Variants in SLC29A3 observed in about 807,000 individuals in gnomAD.
The protein encoded by SLC29A3 is equilibrative nucleoside transporter 3.
SLC29A3 carries 18 observed loss-of-function variants against 25.4 expected under a neutral mutation model. The ratio of observed to expected loss-of-function variants is 0.71; its 90% CI spans 0.49 to 1.05. The LOEUF is 1.05. Among genes scored for constraint, SLC29A3 ranks in the 50% least tolerant of loss-of-function variants. The pLI is 0.00. For synonymous variants in SLC29A3, 258 were observed against 267.1 expected (o/e 0.97, Z 0.33); for missense variants, 586 against 609.0 (o/e 0.96, Z 0.40).
intron 3 of SLC29A3, among the ~76,000 whole-genome samples, chr10:71,347,250 A>T (rs1233892610): frequency 1.3e-5 from 2 of 152,150 alleles, no homozygotes; most frequent in Non-Finnish European, 2.9e-5. Flanking sequence ...ATAAATACTT[A>T]TGAGGAGGAT....
intron 5 of SLC29A3, 52 bp downstream of exon 5, chr10:71,356,295 C>A: frequency 6.3e-7 from 1 of 1,596,800 alleles, no homozygotes; most frequent in Non-Finnish European, 8.5e-7. Flanking sequence ...CCAGTTATAG[C>A]CATGCTTCTT....
At chr10:71,323,358 A>G (rs1845897146) in intron 2 of SLC29A3, among the ~76,000 whole-genome samples, 1 of 152,230 alleles carries the variant, frequency 6.6e-6, no homozygotes, top group Admixed American at 6.5e-5. Flanking sequence ...CCCATGTTCA[A>G]TTCTGGTCGG....
intron 1 of SLC29A3, 38 bp from the exon 2 acceptor site, chr10:71,322,718 C>T (rs1845875628): frequency 6.2e-7 from 1 of 1,613,102 alleles, no homozygotes; most frequent in Non-Finnish European, 8.5e-7. Context: ...GGTTTCTACT[C>T]ACCTACCCTG....
chr10:71,361,983 A>G lies in SLC29A3; in HGVS notation c.803A>G (p.His268Arg). ...RYYMRPVLAA[H>R]VFSGEEELPQ... ...TACATGAGGCCTGTTCTTGCGGCCCATGTGTTTTCTGGTGAAGAGGAGCTT... is the reference window on the plus strand; with the variant it reads ...TACATGAGGCCTGTTCTTGCGGCCCGTGTGTTTTCTGGTGAAGAGGAGCTT... The change falls in exon 6 of 6, where the codon CAT (histidine) becomes CGT (arginine). Residue 268 changes from histidine (H) to arginine (R), a missense_variant. Coordinates refer to ENST00000373189, the MANE Select transcript of SLC29A3 (RefSeq NM_018344.6). The G allele has an allele frequency of 3.1e-6, 5 of 1,613,996 alleles. No individual in the cohort carries two copies. Among genetic ancestry groups the G allele is most frequent in the South Asian group, 1.1e-5 (1 of 91,074 alleles).
At chr10:71,368,096 G>T (rs1230389972), downstream of SLC29A3, among the ~76,000 whole-genome samples, 1 of 152,070 alleles carries the variant, frequency 6.6e-6, no homozygotes, top group African/African-American at 2.4e-5. Context: ...CAGGCCTAGT[G>T]GTACATGCCT....
chr10:71,348,764 G>A (rs1280876598), intron 3 of SLC29A3, among the ~76,000 whole-genome samples: 1 of 152,222 alleles, frequency 6.6e-6, no homozygotes, highest in Admixed American at 6.5e-5. Context: ...ATGTGTGTCA[G>A]TGTGAGGTCT....
At chr10:71,345,482 G>A (rs1238150369) in intron 3 of SLC29A3, among the ~76,000 whole-genome samples, 1 of 152,208 alleles carries the variant, frequency 6.6e-6, no homozygotes, top group Admixed American at 6.5e-5. Context: ...GAAGTCATGT[G>A]CTGTCACTTT....
chr10:71,336,620 A>C (rs1846260528), intron 2 of SLC29A3, among the ~76,000 whole-genome samples: 1 of 151,624 alleles, frequency 6.6e-6, no homozygotes, highest in African/African-American at 2.4e-5. Flanking sequence ...TCTCTTGGCC[A>C]GCAGAGAAAG....
intron 3 of SLC29A3, 58 bp from the exon 4 acceptor site, chr10:71,351,504 C>G: frequency 6.5e-7 from 1 of 1,544,030 alleles, no homozygotes; most frequent in Non-Finnish European, 8.9e-7. Flanking sequence ...CTCACCAGCC[C>G]CAGCCCACAC....
chr10:71,363,343 A>G lies in SLC29A3; in HGVS notation c.*735A>G, dbSNP rs558518017. 10 of 454,164 alleles carry G rather than the reference A, an allele frequency of 2.2e-5. No homozygotes were observed. Among genetic ancestry groups the G allele is most frequent in the South Asian group, 1.6e-4 (10 of 64,480 alleles). 28.1% of individuals were successfully genotyped at this position (454,164 alleles called of 1,614,324 possible). On this transcript the variant is annotated 3_prime_UTR_variant, in exon 6 of 6. Coordinates refer to ENST00000373189, the MANE Select transcript of SLC29A3 (RefSeq NM_018344.6). ...TCAGTGTTCCTGTTTACAACATGTCAAAGCCATTGGTTCAAGGGCGTAATA... is the reference window on the plus strand; with the variant it reads ...TCAGTGTTCCTGTTTACAACATGTCGAAGCCATTGGTTCAAGGGCGTAATA...
intron 3 of SLC29A3, among the ~76,000 whole-genome samples, chr10:71,374,478 C>T (rs567043719): frequency 3.9e-5 from 6 of 152,276 alleles, no homozygotes; most frequent in South Asian, 2.1e-4. Context: ...ATTCTGCTCC[C>T]GCCATGGTAA....
At position 71,356,094 on chromosome 10, in the gene SLC29A3, C is replaced by T. The variant is rs757865136; in HGVS notation, c.624C>T (p.Gly208=). ...TGTTCTCTGCAGGAGGAGCCATGGG[C>T]GGGACGGTCAGCGCCGTGGCCTCAT... ...SQALISGGAM[G]GTVSAVASLV... is the part of the protein sequence containing the mutation. Residue 208 remains glycine, a synonymous_variant, in exon 5 of 6, where the codon GGC becomes GGT. Coordinates refer to ENST00000373189, the MANE Select transcript of SLC29A3 (RefSeq NM_018344.6). 39 of 1,613,922 alleles carry T rather than the reference C, an allele frequency of 2.4e-5. No homozygotes were observed. Among genetic ancestry groups the T allele is most frequent in the East Asian group, 1.1e-4 (5 of 44,898 alleles).
chr10:71,372,826 T>C (rs1309514359), intron 3 of SLC29A3, among the ~76,000 whole-genome samples: 1 of 152,202 alleles, frequency 6.6e-6, no homozygotes, highest in East Asian at 1.9e-4. Flanking sequence ...GGTTGGCGCC[T>C]GGTGGCTTTA....
At chr10:71,326,285 G>C (rs1845963721) in intron 2 of SLC29A3, among the ~76,000 whole-genome samples, 1 of 152,118 alleles carries the variant, frequency 6.6e-6, no homozygotes, top group African/African-American at 2.4e-5. Context: ...CTGTTGTGAG[G>C]ATTAAGTAAA....
chr10:71,350,922 G>A (rs754249558), intron 3 of SLC29A3, among the ~76,000 whole-genome samples: 32 of 152,302 alleles, frequency 2.1e-4, no homozygotes, highest in Admixed American at 3.3e-4. Context: ...TTACAGAACC[G>A]GTGTAACAAT....
At chr10:71,340,576 C>G (rs759272292) in intron 2 of SLC29A3, among the ~76,000 whole-genome samples, 10 of 152,230 alleles carry the variant, frequency 6.6e-5, no homozygotes, top group Non-Finnish European at 1.2e-4. Context: ...GAGGTGAACT[C>G]TGTGAACGAT....
chr10:71,371,831 C>G (rs1847213714), intron 3 of SLC29A3, among the ~76,000 whole-genome samples: 1 of 152,190 alleles, frequency 6.6e-6, no homozygotes, highest in Non-Finnish European at 1.5e-5. Context: ...ACTTCTCCTC[C>G]CATCGCCCTT....
In SLC29A3 at chr10:71,362,197, A is replaced by G. The variant is rs1847078623; in HGVS notation, c.1017A>G (p.Ser339=). 6.2e-7 allele frequency: 1 copy of G among 1,613,988 alleles called. No homozygotes were observed. The highest frequency in any genetic ancestry group is 8.5e-7 in the Non-Finnish European group (1 of 1,179,996). Residue 339 remains serine (S), a synonymous_variant, in exon 6 of 6, where the codon TCA becomes TCG. Transcript: ENST00000373189. ...NIESLNKGSG[S]LWTTKFFIPL... is the part of the protein sequence containing the mutation. ...AGTCCCTCAACAAGGGTTCGGGCTC[A>G]CTGTGGACCACCAAGTTTTTCATCC...
chr10:71,377,731 A>G (rs551687768), intron 4 of SLC29A3, among the ~76,000 whole-genome samples: 12 of 152,382 alleles, frequency 7.9e-5, no homozygotes, highest in Admixed American at 5.9e-4. Context: ...AAGGCAAATG[A>G]TAAGAAACAG....
Sources: gnomAD v4.1 joint callset for allele counts (sites outside exome capture counted in the v4.1 genomes callset) on GRCh38, gnomAD v4.1.1 for gene constraint, MANE v1.5 for transcripts, NCBI Gene and HGNC (gene_info 2026-07-23, HGNC 2026-07-21) for gene names.